ACSM3: variants seen among roughly 807,000 people sequenced by gnomAD.
ACSM3 encodes acyl-CoA synthetase medium chain family member 3, also known as acyl-coenzyme A synthetase ACSM3, mitochondrial.
A neutral mutation model predicts 74.1 loss-of-function variants in ACSM3; 61 were observed. The ratio of observed to expected loss-of-function variants is 0.82; its 90% CI spans 0.67 to 1.02. ACSM3 has a LOEUF of 1.02. Ranked by LOEUF, ACSM3 falls within the 50% of genes least tolerant of loss-of-function variation. ACSM3 has a pLI of 0.00. For missense variants in ACSM3, 660 were observed against 697.0 expected (o/e 0.95, Z 0.60); for synonymous variants, 213 against 241.5 (o/e 0.88, Z 1.09).
At chr16:20,714,132 G>T (rs2079753053) in intron 1 of ACSM3, among the ~76,000 whole-genome samples, 1 of 152,034 alleles carries the variant, frequency 6.6e-6, no homozygotes, top group Admixed American at 6.6e-5. Context: ...ACCCTGTCCG[G>T]GACTCTGGAT....
intron 1 of ACSM3, chr16:20,741,479 C>CCGGGGG: frequency 2.3e-6 from 3 of 1,329,522 alleles, no homozygotes; most frequent in Non-Finnish European, 2.0e-6. Context: ...GCCTGGCAGC[C>CCGGGGG]GGCCCGCCCG....
chr16:20,753,733 A>G (rs151026326), intron 2 of ACSM3, among the ~76,000 whole-genome samples: 55 of 152,206 alleles, frequency 3.6e-4, no homozygotes, highest in Middle Eastern at 3.4e-3. Context: ...TAAAAAGGAG[A>G]CAAGTAATGA....
chr16:20,694,988 T>C (rs1226401735), intron 1 of ACSM3, among the ~76,000 whole-genome samples: 2 of 152,188 alleles, frequency 1.3e-5, no homozygotes, highest in African/African-American at 4.8e-5. Flanking sequence ...AGAAAATCAA[T>C]TTCTGTTGTT....
At chr16:20,728,734 G>C in intron 1 of ACSM3, among the ~76,000 whole-genome samples, 1 of 151,458 alleles carries the variant, frequency 6.6e-6, no homozygotes. Flanking sequence ...CAGTTGGGGG[G>C]TGCTAGAGGT....
chr16:20,738,882 A>G, intron 1 of ACSM3: 1 of 1,612,700 alleles, frequency 6.2e-7, no homozygotes, highest in Non-Finnish European at 8.5e-7. Context: ...TAATCTTAGC[A>G]AGTATTTGTC....
chr16:20,741,479 C>CCGGGGGG, intron 1 of ACSM3: 4 of 1,329,522 alleles, frequency 3.0e-6, no homozygotes, highest in Non-Finnish European at 2.0e-6. Flanking sequence ...GCCTGGCAGC[C>CCGGGGGG]GGCCCGCCCG....
Position 20,796,641 on chromosome 16 carries a change from A to G in ACSM3, c.1674+152A>G, listed in dbSNP as rs1320071273. ...ATATGGGTAAGAATCAGAATCTTTG[A>G]GATTAAAATGAAACCCTGAACCTAT... On this transcript the variant is annotated intron_variant, in intron 13 of 13. Coordinates refer to ENST00000289416, the MANE Select transcript of ACSM3 (RefSeq NM_005622.4). 5.4e-6 allele frequency: 8 copies of G among 1,492,000 alleles called. No homozygotes were observed. In the Admixed American group the frequency reaches 2.2e-4, roughly 40 times the overall value. 92.4% of individuals were successfully genotyped at this position (1,492,000 alleles called of 1,614,324 possible). A position where few individuals can be genotyped will look rare whatever the true frequency, so the allele number is the denominator to read the frequency against.
At chr16:20,729,968 G>A (rs1332623867) in intron 1 of ACSM3, among the ~76,000 whole-genome samples, 2 of 152,086 alleles carry the variant, frequency 1.3e-5, no homozygotes, top group African/African-American at 2.4e-5. Context: ...ACTTACACAG[G>A]TTAACAATCC....
At chr16:20,785,785 A>G (rs2080459523) in intron 8 of ACSM3, among the ~76,000 whole-genome samples, 1 of 152,194 alleles carries the variant, frequency 6.6e-6, no homozygotes, top group Non-Finnish European at 1.5e-5. Context: ...AAAATCAAAA[A>G]TTGAAAAATT....
intron 1 of ACSM3, among the ~76,000 whole-genome samples, chr16:20,740,974 T>C (rs2079913773): frequency 6.6e-6 from 1 of 152,088 alleles, no homozygotes; most frequent in African/African-American, 2.4e-5. Flanking sequence ...AATCCTTAAG[T>C]GGGAGGTAGG....
rs751725508 is a variant in ACSM3, at chr16:20,691,052, G to A, written c.-190+16230G>A. On this transcript the variant is annotated intron_variant, in intron 1 of 3. Coordinates refer to the ACSM3 transcript ENST00000561584. Reference sequence around the variant, plus strand: ...ATAACTTGCAAAGTTAAATTCCTCCGGTACTTCATAGTCATTCCATCTTGG... The same window carrying A: ...ATAACTTGCAAAGTTAAATTCCTCCAGTACTTCATAGTCATTCCATCTTGG... The A allele has an allele frequency of 6.2e-5, 100 of 1,613,610 alleles. No individual in the cohort carries two copies. In the East Asian group the frequency reaches 8.2e-4, roughly 13 times the overall value.
chr16:20,792,925 CTG>C (rs758438989), intron 12 of ACSM3, among the ~76,000 whole-genome samples: 2 of 152,176 alleles, frequency 1.3e-5, no homozygotes, highest in Non-Finnish European at 2.9e-5. Flanking sequence ...TGCGTTTTGC[CTG>C]TGTGTCTACA....
chr16:20,723,472 A>G (rs2079793467), intron 1 of ACSM3, among the ~76,000 whole-genome samples: 1 of 152,260 alleles, frequency 6.6e-6, no homozygotes, highest in South Asian at 2.1e-4. Context: ...GACTTCCACA[A>G]TGGTTGAACT....
intron 1 of ACSM3, among the ~76,000 whole-genome samples, chr16:20,704,727 C>A (rs1412656864): frequency 6.6e-6 from 1 of 152,008 alleles, no homozygotes; most frequent in South Asian, 2.1e-4. Context: ...AAAAGTATAG[C>A]CAAGTTATAA....
In ACSM3 at chr16:20,718,130, A is replaced by G. The variant is rs1041568009; in HGVS notation, c.-189-31780A>G. Among the ~76,000 whole-genome samples the G allele has an allele frequency of 2.0e-5, 3 of 151,578 alleles. No individual in the cohort carries two copies. The South Asian group carries it at 6.3e-4, about 32-fold the overall frequency. On this transcript the variant is annotated intron_variant, in intron 1 of 3. Transcript: ENST00000561584. The stretch of plus-strand genomic sequence containing the variant: ...AAGGAGAAGAAGAAGAAGAAAAGAA[A>G]AGGAGAAGGAGAAGGAGAACTGTAA...
intron 3 of ACSM3, 28 bp from the exon 4 acceptor site, chr16:20,777,345 A>G (rs751532131): frequency 1.3e-6 from 2 of 1,584,544 alleles, no homozygotes; most frequent in Non-Finnish European, 1.7e-6. Flanking sequence ...CATTTCTTCT[A>G]AACACTGTTT....
At chr16:20,736,606 C>T in intron 1 of ACSM3, 1 of 372,440 alleles carries the variant, frequency 2.7e-6, no homozygotes, top group East Asian at 4.5e-5. Flanking sequence ...GCTGGCACTG[C>T]AGAAGAGGAG....
At chr16:20,716,753 G>T (rs1174455930) in intron 1 of ACSM3, among the ~76,000 whole-genome samples, 3 of 152,128 alleles carry the variant, frequency 2.0e-5, no homozygotes, top group African/African-American at 7.2e-5. Flanking sequence ...TTCGCAGCCT[G>T]CATACCAGCG....
intron 1 of ACSM3, chr16:20,729,163 T>C: frequency 1.6e-6 from 1 of 616,216 alleles, no homozygotes; most frequent in Non-Finnish European, 3.0e-6. Context: ...TACTTGTCAC[T>C]TAATGAGTGT....
Sources: allele counts gnomAD v4.1 joint callset (sites outside exome capture counted in the v4.1 genomes callset), GRCh38; gene constraint gnomAD v4.1.1; transcripts MANE v1.5; gene names NCBI Gene and HGNC (gene_info 2026-07-23, HGNC 2026-07-21).